The following AATF variants were observed in gnomAD, a reference collection of about 807,000 sequenced individuals.
AATF encodes apoptosis antagonizing transcription factor, also known as protein AATF.
In AATF, 48 loss-of-function variants were observed where a neutral mutation model predicts 63.7. The observed-to-expected ratio is 0.75, with a 90% confidence interval of 0.60 to 0.96. The LOEUF (loss-of-function observed/expected upper bound fraction) is 0.96. Among genes scored for constraint, AATF ranks in the 40% least tolerant of loss-of-function variants. The pLI is 0.00. For missense variants in AATF, 639 were observed against 685.7 expected (o/e 0.93, Z 0.76); for synonymous variants, 258 against 247.7 (o/e 1.04, Z -0.39).
At chr17:37,048,947 T>C (rs991563902) in intron 11 of AATF, among the ~76,000 whole-genome samples, 2 of 152,198 alleles carry the variant, frequency 1.3e-5, no homozygotes, top group South Asian at 2.1e-4. Flanking sequence ...TGGGAGCAAC[T>C]GTAATGCATG....
intron 8 of AATF, among the ~76,000 whole-genome samples, chr17:37,009,173 C>T (rs1280553518): frequency 2.0e-5 from 3 of 151,960 alleles, no homozygotes; most frequent in African/African-American, 7.3e-5. Context: ...CTCTTGTTGC[C>T]CAGGCTGGAG....
chr17:36,959,814 A>T (rs1377621414), intron 4 of AATF, among the ~76,000 whole-genome samples: 1 of 152,220 alleles, frequency 6.6e-6, no homozygotes, highest in Non-Finnish European at 1.5e-5. Context: ...TAAGCAAAAC[A>T]TCCAAGAACA....
At chr17:36,955,366 T>C (rs1392768365) in intron 4 of AATF, among the ~76,000 whole-genome samples, 2 of 152,238 alleles carry the variant, frequency 1.3e-5, no homozygotes, top group Non-Finnish European at 1.5e-5. Flanking sequence ...TAAAGTCTGC[T>C]TCTTCCCCTG....
intron 10 of AATF, among the ~76,000 whole-genome samples, chr17:37,023,469 T>A (rs140141644): frequency 9.7e-4 from 148 of 152,172 alleles, no homozygotes; most frequent in Non-Finnish European, 1.5e-3. Context: ...CACATTCTCA[T>A]ATCCAGAGGC....
chr17:37,025,387 G>T (rs150827005), intron 10 of AATF, among the ~76,000 whole-genome samples: 1 of 152,270 alleles, frequency 6.6e-6, no homozygotes, highest in African/African-American at 2.4e-5. Flanking sequence ...GGAGGGTACG[G>T]TGTGACAAGA....
intron 8 of AATF, among the ~76,000 whole-genome samples, chr17:36,993,515 G>A: frequency 6.6e-6 from 1 of 152,198 alleles, no homozygotes; most frequent in East Asian, 1.9e-4. Flanking sequence ...ATGGCTGTAT[G>A]TTTTCTGTCA....
At chr17:36,959,946 A>G (rs1408898334) in intron 4 of AATF, among the ~76,000 whole-genome samples, 1 of 152,098 alleles carries the variant, frequency 6.6e-6, no homozygotes, top group Non-Finnish European at 1.5e-5. Context: ...TTCCCATTTC[A>G]TACTTACACT....
rs1457833471 is a variant in AATF, at chr17:37,031,667, C to T, written c.1601C>T (p.Thr534Ile). The T allele has an allele frequency of 1.9e-6, 3 of 1,613,912 alleles. No homozygotes were observed. The African/African-American group carries it at 4.0e-5, about 22-fold the overall frequency. ...LSFMAPIDHT[T>I]MNDDARTELY... is the part of the protein sequence containing the mutation. ...TTCATGGCACCTATTGACCATACTA[C>T]AATGAATGATGATGCCAGGTGAGTA... Residue 534 changes from threonine to isoleucine, a missense_variant, in exon 11 of 12, where the codon ACA becomes ATA. By Grantham distance (89) the Thr-to-Ile change is moderately conservative. Coordinates refer to ENST00000619387, the MANE Select transcript of AATF (RefSeq NM_012138.4).
chr17:37,056,729 A>T lies in AATF; in HGVS notation c.*65A>T, dbSNP rs575154786. The T allele has an allele frequency of 6.5e-7, 1 of 1,542,798 alleles. No individual in the cohort carries two copies. The highest frequency in any genetic ancestry group is 1.1e-5 in the South Asian group (1 of 89,488). ...TGCGGCTGCTGGTCCAGATGGAGGA[A>T]ACCAGTGACTTTATGGGGCTGAGCT... On this transcript the variant is annotated 3_prime_UTR_variant, in exon 12 of 12. Coordinates refer to ENST00000619387, the MANE Select transcript of AATF (RefSeq NM_012138.4).
intron 4 of AATF, among the ~76,000 whole-genome samples, chr17:36,973,572 A>G (rs1221406342): frequency 6.6e-6 from 1 of 152,250 alleles, no homozygotes; most frequent in African/African-American, 2.4e-5. Context: ...TTAGAGCACA[A>G]GAAGTAGACA....
chr17:36,953,168 C>CCCA lies in AATF; in HGVS notation c.567_569dup (p.Ser189_Gln190insHis), dbSNP rs2070870237. ...GAAGAAGGGGATGACGCGGAAGACT[C>CCCA]CCAAGGCGAGAGTGAGGAAGACAGG... On this transcript the variant is annotated inframe_insertion, in exon 3 of 12. Transcript: ENST00000619387. 1 of 1,613,928 alleles carries CCCA rather than the reference C, an allele frequency of 6.2e-7. No individual in the cohort carries two copies. Among genetic ancestry groups the CCCA allele is most frequent in the African/African-American group, 1.3e-5 (1 of 74,846 alleles).
At chr17:36,977,767 C>T (rs1597708824) in intron 4 of AATF, among the ~76,000 whole-genome samples, 1 of 152,230 alleles carries the variant, frequency 6.6e-6, no homozygotes, top group African/African-American at 2.4e-5. Context: ...TTAAGTATCT[C>T]ATATTCTGAA....
intron 4 of AATF, among the ~76,000 whole-genome samples, chr17:36,968,270 CTTTTTTTTTTTTT>C (rs3049638): frequency 1.3e-4 from 3 of 23,762 alleles, no homozygotes; most frequent in Non-Finnish European, 2.3e-4. Flanking sequence ...TTCCTTCTTT[CTTTTTTTTTTTTT>C]TTTTTTTTTT....
intron 8 of AATF, among the ~76,000 whole-genome samples, chr17:36,997,912 A>G (rs2071266495): frequency 6.6e-6 from 1 of 152,248 alleles, no homozygotes; most frequent in Non-Finnish European, 1.5e-5. Context: ...GAATGAATTA[A>G]CAGCATTTGC....
At chr17:37,039,706 G>A (rs1458061634) in intron 11 of AATF, among the ~76,000 whole-genome samples, 1 of 152,186 alleles carries the variant, frequency 6.6e-6, no homozygotes, top group Admixed American at 6.5e-5. Flanking sequence ...ATGTCAGAAA[G>A]GACAAAGGAA....
chr17:37,011,706 G>A lies in AATF; in HGVS notation c.1399-7299G>A, dbSNP rs1393847756. Among the ~76,000 whole-genome samples the A allele has an allele frequency of 3.3e-5, 5 of 152,304 alleles. No individual in the cohort carries two copies. The South Asian group carries it at 1.0e-3, about 32-fold the overall frequency. On this transcript the variant is annotated intron_variant, in intron 8 of 11. Coordinates refer to ENST00000619387, the MANE Select transcript of AATF (RefSeq NM_012138.4). The stretch of plus-strand genomic sequence containing the variant: ...AGATGCCTCACTGATACCGAGAAAA[G>A]AGTGTTTCAGTGAGGTGAGAAAGTC...
chr17:36,988,272 C>T (rs986742898), intron 5 of AATF, among the ~76,000 whole-genome samples: 10 of 152,108 alleles, frequency 6.6e-5, no homozygotes, highest in Non-Finnish European at 8.8e-5. Context: ...GCCAAGATCG[C>T]GCCACTGCAC....
intron 8 of AATF, among the ~76,000 whole-genome samples, chr17:37,014,581 C>CT: frequency 6.6e-6 from 1 of 152,100 alleles, no homozygotes; most frequent in South Asian, 2.1e-4. Flanking sequence ...TCTTTAACTG[C>CT]TTAGGATCTT....
At chr17:37,049,466 G>C (rs143892071) in intron 11 of AATF, among the ~76,000 whole-genome samples, 1 of 152,018 alleles carries the variant, frequency 6.6e-6, no homozygotes, top group East Asian at 1.9e-4. Flanking sequence ...TTAGCCAGGC[G>C]TGGTGGCGGG....
Sources: allele counts gnomAD v4.1 joint callset (sites outside exome capture counted in the v4.1 genomes callset), GRCh38; gene constraint gnomAD v4.1.1; transcripts MANE v1.5; gene names NCBI Gene and HGNC (gene_info 2026-07-23, HGNC 2026-07-21).